The following CEACAM3 variants were observed in gnomAD, a reference collection of about 807,000 sequenced individuals.
The protein encoded by CEACAM3 is cell adhesion molecule CEACAM3.
Under a neutral mutation model 30.1 loss-of-function variants are expected in CEACAM3, and 32 were observed. The observed-to-expected ratio is 1.06, with a 90% CI of 0.80 to 1.43. The LOEUF (loss-of-function observed/expected upper bound fraction) is 1.43, where lower values mean the gene tolerates loss of function less well. Among genes scored for constraint, CEACAM3 ranks in the 40% most tolerant of loss-of-function variants. The pLI, the probability that CEACAM3 is intolerant of heterozygous loss-of-function variation, is 0.00. For synonymous variants in CEACAM3, 134 were observed against 127.2 expected (o/e 1.05, Z -0.36); for missense variants, 290 against 316.3 (o/e 0.92, Z 0.63).
chr19:41,808,459 A>G (rs1169492097), intron 2 of CEACAM3, among the ~76,000 whole-genome samples: 1 of 152,176 alleles, frequency 6.6e-6, no homozygotes, highest in Non-Finnish European at 1.5e-5. Flanking sequence ...GCTTATCAGC[A>G]TTGAGTTGAT....
chr19:41,798,364 G>A (rs781954452), intron 2 of CEACAM3, among the ~76,000 whole-genome samples: 6 of 152,152 alleles, frequency 3.9e-5, no homozygotes, highest in Admixed American at 2.0e-4. Context: ...CCAGATTCCT[G>A]ACTCCAGGTG....
intron 2 of CEACAM3, 146 bp downstream of exon 2, chr19:41,798,094 G>A (rs1172786222): frequency 3.7e-6 from 5 of 1,343,324 alleles, no homozygotes; most frequent in Admixed American, 4.6e-5. Flanking sequence ...CACACACGGG[G>A]GAGACAAACT....
At chr19:41,810,137 T>G (rs1555827391) in intron 4 of CEACAM3, 120 bp downstream of exon 4, 1 of 1,294,574 alleles carries the variant, frequency 7.7e-7, no homozygotes, top group Non-Finnish European at 1.1e-6. Flanking sequence ...AAGGAGGATC[T>G]CATAAAACAT....
chr19:41,807,929 C>A (rs1389932060), intron 2 of CEACAM3, among the ~76,000 whole-genome samples: 2 of 152,228 alleles, frequency 1.3e-5, no homozygotes, highest in Non-Finnish European at 2.9e-5. Flanking sequence ...AGCTCTTTAT[C>A]CCCAACATCG....
chr19:41,808,481 GC>G (rs1555827100), intron 2 of CEACAM3, among the ~76,000 whole-genome samples: 1 of 152,214 alleles, frequency 6.6e-6, no homozygotes, highest in African/African-American at 2.4e-5. Flanking sequence ...CCAAGGGCCT[GC>G]CCTTTGTGAG....
intron 1 of CEACAM3, 105 bp downstream of exon 1, chr19:41,796,846 G>A (rs2073106545): frequency 1.7e-6 from 2 of 1,210,522 alleles, no homozygotes; most frequent in Non-Finnish European, 2.3e-6. Context: ...GGCTTCTGCT[G>A]AAGCCTCAGG....
chr19:41,803,464 TTG>T (rs2073171228), intron 2 of CEACAM3, among the ~76,000 whole-genome samples: 1 of 102,804 alleles, frequency 9.7e-6, no homozygotes, highest in African/African-American at 2.8e-5. Context: ...GTGTGTTGTT[TTG>T]TTTGTTTTTT....
chr19:41,810,317 T>G lies in CEACAM3; in HGVS notation c.596-6T>G. On this transcript the variant is annotated splice_region_variant and splice_polypyrimidine_tract_variant and intron_variant, in intron 4 of 6. Coordinates refer to ENST00000357396, the MANE Select transcript of CEACAM3 (RefSeq NM_001815.5). ...CCCTGCTGCTCACTCCTGTCTCTGTTTCCAGGCCGTGGTCCCTCCCACAGC... is the reference window on the plus strand; with the variant it reads ...CCCTGCTGCTCACTCCTGTCTCTGTGTCCAGGCCGTGGTCCCTCCCACAGC... The G allele has an allele frequency of 6.2e-7, 1 of 1,604,252 alleles. No individual in the cohort carries two copies. The highest frequency in any genetic ancestry group is 8.5e-7 in the Non-Finnish European group (1 of 1,176,052).
intron 2 of CEACAM3, among the ~76,000 whole-genome samples, chr19:41,803,376 G>T (rs987193833): frequency 6.6e-6 from 1 of 151,588 alleles, no homozygotes; most frequent in Non-Finnish European, 1.5e-5. Flanking sequence ...CTAGCTTGAG[G>T]GTGTGTCAGT....
chr19:41,802,962 A>C (rs10418100), intron 2 of CEACAM3, among the ~76,000 whole-genome samples: 75,267 of 151,942 alleles, frequency 0.5, 21,311 homozygotes, highest in Middle Eastern at 0.73. Flanking sequence ...CTTCCCTCCC[A>C]ACACTCACCA....
Position 41,797,732 on chromosome 19 carries a change from G to A in CEACAM3, c.208G>A (p.Gly70Arg). Reference sequence around the variant, plus strand: ...TCTTTTTGGCTACAGCTGGTACAAAGGGGAAAGAGTGGATGGCAACAGTCT... The same window carrying A: ...TCTTTTTGGCTACAGCTGGTACAAAAGGGAAAGAGTGGATGGCAACAGTCT... ...QHLFGYSWYK[G>R]ERVDGNSLIV... The change falls in exon 2 of 7, where the codon GGG (glycine) becomes AGG (arginine). Residue 70 changes from glycine to arginine, a missense_variant. Coordinates refer to ENST00000357396, the MANE Select transcript of CEACAM3 (RefSeq NM_001815.5). 2 of 1,613,918 alleles carry A rather than the reference G, an allele frequency of 1.2e-6. No homozygotes were observed. Among genetic ancestry groups the A allele is most frequent in the Non-Finnish European group, 1.7e-6 (2 of 1,179,950 alleles).
Position 41,811,319 on chromosome 19 carries a change from T to C in CEACAM3, c.*82T>C. ...TGGGGATGGGGAAGGACATGAAGCC[T>C]GAGCCAGAGAACCAGCTATAAGTCC... On this transcript the variant is annotated 3_prime_UTR_variant, in exon 7 of 7. Coordinates refer to ENST00000357396, the MANE Select transcript of CEACAM3 (RefSeq NM_001815.5). The C allele has an allele frequency of 8.2e-7, 1 of 1,214,876 alleles. No individual in the cohort carries two copies. Among genetic ancestry groups the C allele is most frequent in the South Asian group, 1.2e-5 (1 of 82,860 alleles). 75.3% of individuals were successfully genotyped at this position (1,214,876 alleles called of 1,614,324 possible). A position where few individuals can be genotyped will look rare whatever the true frequency, so the allele number is the denominator to read the frequency against.
chr19:41,799,824 C>G (rs949422725), intron 2 of CEACAM3, among the ~76,000 whole-genome samples: 2 of 152,126 alleles, frequency 1.3e-5, no homozygotes, highest in Admixed American at 1.3e-4. Context: ...ATGCAGAATC[C>G]TATAAGGTTC....
intron 2 of CEACAM3, among the ~76,000 whole-genome samples, chr19:41,803,188 T>C (rs544230255): frequency 6.6e-6 from 1 of 152,274 alleles, no homozygotes; most frequent in African/African-American, 2.4e-5. Flanking sequence ...GTAAAGGTTA[T>C]GATGGAAAAA....
intron 2 of CEACAM3, among the ~76,000 whole-genome samples, chr19:41,807,898 T>C (rs1282485488): frequency 6.6e-6 from 1 of 152,222 alleles, no homozygotes. Context: ...GTCAGTGGAA[T>C]GCTCCAGCAA....
chr19:41,811,109 G>A (rs1249921892), intron 6 of CEACAM3, 63 bp from the exon 7 acceptor site: 40 of 1,567,700 alleles, frequency 2.6e-5, no homozygotes, highest in African/African-American at 4.1e-5. Context: ...CCAGAGCCTG[G>A]GAGACGCCAC....
Position 41,811,405 on chromosome 19 carries a change from A to T in CEACAM3, c.*168A>T. On this transcript the variant is annotated 3_prime_UTR_variant, in exon 7 of 7. Transcript: ENST00000357396. Reference sequence around the variant, plus strand: ...GGGGGTCCCTGATGAATATCTGGAGACCTCGACAGCCTGCCCTAGGCCCTG... The same window carrying T: ...GGGGGTCCCTGATGAATATCTGGAGTCCTCGACAGCCTGCCCTAGGCCCTG... 1 of 628,882 alleles carries T rather than the reference A, an allele frequency of 1.6e-6. No individual in the cohort carries two copies. Among genetic ancestry groups the T allele is most frequent in the Non-Finnish European group, 2.8e-6 (1 of 354,642 alleles). 39.0% of individuals were successfully genotyped at this position (628,882 alleles called of 1,614,324 possible).
chr19:41,796,716 C>T lies in CEACAM3; in HGVS notation c.39C>T (p.Ile13=), dbSNP rs1484720325. 5.0e-6 allele frequency: 8 copies of T among 1,613,660 alleles called. No homozygotes were observed. Among genetic ancestry groups the T allele is most frequent in the Non-Finnish European group, 6.8e-6 (8 of 1,179,814 alleles). Reference sequence around the variant, plus strand: ...CAGCCTCTCCCCACAGAGAATGCATCCCCTGGCAGGGGCTTCTGCTCACAG... The same window carrying T: ...CAGCCTCTCCCCACAGAGAATGCATTCCCTGGCAGGGGCTTCTGCTCACAG... ...PPSASPHREC[I]PWQGLLLTAS... The change falls in exon 1 of 7, where the codon ATC becomes ATT. Residue 13 remains isoleucine (I), a synonymous_variant. Coordinates refer to ENST00000357396, the MANE Select transcript of CEACAM3 (RefSeq NM_001815.5).
chr19:41,809,882 G>A (rs2073234534), intron 3 of CEACAM3, 83 bp from the exon 4 acceptor site: 2 of 1,376,952 alleles, frequency 1.5e-6, no homozygotes, highest in South Asian at 2.4e-5. Flanking sequence ...TTGAAAATGG[G>A]TTTCCCTTCT....
Sources: allele counts gnomAD v4.1 joint callset (sites outside exome capture counted in the v4.1 genomes callset), GRCh38; gene constraint gnomAD v4.1.1; transcripts MANE v1.5; gene names NCBI Gene and HGNC (gene_info 2026-07-23, HGNC 2026-07-21).